Variants in NBEA observed in about 807,000 individuals in gnomAD.
The protein encoded by NBEA is lysosomal-trafficking regulator 2.
NBEA carries 44 observed loss-of-function variants against 343.4 expected under a neutral mutation model. The observed-to-expected ratio is 0.13, with a 90% confidence interval of 0.10 to 0.16. The LOEUF is 0.16. Ranked by LOEUF, NBEA falls within the 10% of genes least tolerant of loss-of-function variation. The pLI, the probability that NBEA is intolerant of heterozygous loss-of-function variation, is 1.00. For missense variants in NBEA, 2,555 were observed against 3,631.3 expected (o/e 0.70, Z 7.62); for synonymous variants, 1,175 against 1,238.7 (o/e 0.95, Z 1.08).
At chr13:35,583,865 G>C (rs549591720) in intron 45 of NBEA, 33 bp from the exon 46 acceptor site, 2 of 1,542,334 alleles carry the variant, frequency 1.3e-6, no homozygotes, top group African/African-American at 2.8e-5. Context: ...TAATATGACT[G>C]TATTAAACAA....
chr13:35,289,534 A>T (rs1039991914), intron 34 of NBEA, among the ~76,000 whole-genome samples: 1 of 151,922 alleles, frequency 6.6e-6, no homozygotes, highest in Non-Finnish European at 1.5e-5. Context: ...GTTATACAGC[A>T]GTCATACTTT....
In NBEA at chr13:35,472,211, A is replaced by G. The variant is rs539196273; in HGVS notation, c.6449-189A>G. ...GGTTTTCATACCATTTTTTCTCTCT[A>G]GTCTCGTTATAAGGTAATGTATAAA... is the stretch of plus-strand genomic sequence containing the variant. On this transcript the variant is annotated intron_variant, in intron 40 of 58. Coordinates refer to ENST00000379939, the MANE Select transcript of NBEA (RefSeq NM_001385012.1). Among the ~76,000 whole-genome samples the G allele has an allele frequency of 2.0e-5, 3 of 152,196 alleles. No homozygotes were observed. The South Asian group carries it at 6.2e-4, about 32-fold the overall frequency.
At chr13:35,513,376 C>T (rs1264468688) in intron 41 of NBEA, among the ~76,000 whole-genome samples, 1 of 142,334 alleles carries the variant, frequency 7.0e-6, no homozygotes, top group Non-Finnish European at 1.5e-5. Flanking sequence ...GTTTTGAACT[C>T]CTGGCCTCAA....
intron 50 of NBEA, 79 bp from the exon 51 acceptor site, chr13:35,646,180 C>A: frequency 9.1e-7 from 1 of 1,103,682 alleles, no homozygotes; most frequent in Non-Finnish European, 1.4e-6. Context: ...ACTTGGGATA[C>A]ACTTGCGTTG....
intron 34 of NBEA, among the ~76,000 whole-genome samples, chr13:35,233,533 C>G (rs1375447141): frequency 6.6e-6 from 1 of 152,086 alleles, no homozygotes; most frequent in Non-Finnish European, 1.5e-5. Context: ...AGTTTCCTTT[C>G]TATAAATTGG....
intron 41 of NBEA, among the ~76,000 whole-genome samples, chr13:35,549,230 A>G (rs2079198847): frequency 6.6e-6 from 1 of 152,236 alleles, no homozygotes; most frequent in Non-Finnish European, 1.5e-5. Flanking sequence ...ATAAAGACCA[A>G]AAGATTATAC....
intron 8 of NBEA, among the ~76,000 whole-genome samples, chr13:35,067,494 C>G (rs1470839919): frequency 1.3e-5 from 2 of 151,932 alleles, no homozygotes; most frequent in African/African-American, 4.8e-5. Flanking sequence ...GTGTACAAGT[C>G]AATTATTTTT....
chr13:35,656,896 T>C (rs527547699), intron 55 of NBEA, among the ~76,000 whole-genome samples: 11 of 152,270 alleles, frequency 7.2e-5, no homozygotes, highest in African/African-American at 2.4e-4. Context: ...ACTAAAATAC[T>C]ATAAGAGTAG....
chr13:35,550,650 T>C (rs771356824), intron 42 of NBEA, 56 bp downstream of exon 42: 3 of 1,069,944 alleles, frequency 2.8e-6, no homozygotes, highest in Non-Finnish European at 4.3e-6. Context: ...TATTATTCAT[T>C]TACATGGTAT....
intron 28 of NBEA, chr13:35,179,799 T>C (rs894083890): frequency 1.0e-6 from 1 of 984,468 alleles, no homozygotes; most frequent in Middle Eastern, 5.2e-4. Context: ...CTGTTCTTGG[T>C]TGGTATCTTT....
At chr13:35,463,185 G>A (rs914176490) in intron 40 of NBEA, among the ~76,000 whole-genome samples, 1 of 152,148 alleles carries the variant, frequency 6.6e-6, no homozygotes, top group Admixed American at 6.5e-5. Flanking sequence ...TAAGAGAAAA[G>A]GAAAGAATCC....
chr13:35,067,980 C>A (rs1438966911), intron 8 of NBEA, among the ~76,000 whole-genome samples: 1 of 152,008 alleles, frequency 6.6e-6, no homozygotes, highest in African/African-American at 2.4e-5. Flanking sequence ...TCAAGTGATC[C>A]TCCCACCTTG....
intron 36 of NBEA, among the ~76,000 whole-genome samples, chr13:35,324,802 C>G (rs543192989): frequency 6.6e-6 from 1 of 151,992 alleles, no homozygotes; most frequent in Non-Finnish European, 1.5e-5. Flanking sequence ...TTTCATTGGG[C>G]AATAATGATT....
chr13:35,215,047 G>A (rs978208869), intron 33 of NBEA, among the ~76,000 whole-genome samples: 5 of 151,162 alleles, frequency 3.3e-5, no homozygotes, highest in Admixed American at 6.6e-5. Flanking sequence ...TTCCTGTATC[G>A]TAGCTTTATA....
intron 1 of NBEA, among the ~76,000 whole-genome samples, chr13:34,985,481 G>A (rs1038685015): frequency 6.6e-6 from 1 of 151,068 alleles, no homozygotes; most frequent in African/African-American, 2.4e-5. Flanking sequence ...GTTCATCAGG[G>A]ATATTGGTCT....
At chr13:35,230,483 T>C (rs937627047) in intron 33 of NBEA, among the ~76,000 whole-genome samples, 1 of 152,132 alleles carries the variant, frequency 6.6e-6, no homozygotes, top group African/African-American at 2.4e-5. Flanking sequence ...TAAATAAAAA[T>C]AATCATACTT....
intron 17 of NBEA, among the ~76,000 whole-genome samples, chr13:35,140,346 G>A (rs1207535059): frequency 6.6e-6 from 1 of 152,078 alleles, no homozygotes; most frequent in Non-Finnish European, 1.5e-5. Flanking sequence ...ATGTTTACCA[G>A]CTCCTTGTAG....
chr13:35,491,096 A>G (rs2076484754), intron 41 of NBEA, among the ~76,000 whole-genome samples: 1 of 151,962 alleles, frequency 6.6e-6, no homozygotes, highest in African/African-American at 2.4e-5. Context: ...TAGCAAAGAT[A>G]GGACTCAAAC....
chr13:35,385,357 T>C (rs907779282), intron 38 of NBEA, among the ~76,000 whole-genome samples: 4 of 152,194 alleles, frequency 2.6e-5, no homozygotes, highest in African/African-American at 9.6e-5. Flanking sequence ...ATATAAATCA[T>C]ACATTTCTCA....
Sources: allele counts gnomAD v4.1 joint callset (sites outside exome capture counted in the v4.1 genomes callset), GRCh38; gene constraint gnomAD v4.1.1; transcripts MANE v1.5; gene names NCBI Gene and HGNC (gene_info 2026-07-23, HGNC 2026-07-21).